Variants in SMURF2 observed in about 807,000 individuals in gnomAD.
The protein encoded by SMURF2 is SMAD specific E3 ubiquitin protein ligase 2, also known as E3 ubiquitin-protein ligase SMURF2.
Under a neutral mutation model 109.6 loss-of-function variants are expected in SMURF2, and 48 were observed. The observed-to-expected ratio is 0.44, with a 90% CI of 0.35 to 0.56. The LOEUF is 0.56. SMURF2 is among the 20% of genes least tolerant of loss of function. The pLI is 0.01. For missense variants in SMURF2, 575 were observed against 909.0 expected, an observed-to-expected ratio of 0.63 and a Z score of 4.72; for synonymous variants, 288 against 317.1, an observed-to-expected ratio of 0.91 and a Z score of 0.97.
At chr17:64,645,844 T>C (rs1970551823) in intron 1 of SMURF2, among the ~76,000 whole-genome samples, 2 of 152,194 alleles carry the variant, frequency 1.3e-5, no homozygotes, top group Non-Finnish European at 2.9e-5. Context: ...TTAATGACTA[T>C]TACTTATTGC....
intron 1 of SMURF2, among the ~76,000 whole-genome samples, chr17:64,654,770 A>G (rs1281023291): frequency 6.6e-6 from 1 of 152,210 alleles, no homozygotes; most frequent in Non-Finnish European, 1.5e-5. Context: ...CAGAGGTTGC[A>G]GTGAGCCGAG....
At chr17:64,587,886 G>A (rs1193469115) in intron 5 of SMURF2, among the ~76,000 whole-genome samples, 6 of 151,956 alleles carry the variant, frequency 3.9e-5, no homozygotes, top group Non-Finnish European at 7.4e-5. Context: ...TAGAATAATA[G>A]TAAGATTCAA....
rs1968908951 is a variant in SMURF2 at position 64,543,787 on chromosome 17, G to A, written c.*2061C>T. ...GTAGGCACAATTATAAACTGCACTA[G>A]TGCTTTAATATAAAAGAGAGATGGG... On this transcript the variant is annotated 3_prime_UTR_variant, in exon 19 of 19. Transcript: ENST00000262435. The A allele has an allele frequency of 6.6e-6, 1 of 152,164 alleles. No homozygotes were observed. Among genetic ancestry groups the A allele is most frequent in the Admixed American group, 6.5e-5 (1 of 15,280 alleles). 9.4% of individuals were successfully genotyped at this position (152,164 alleles called of 1,614,324 possible).
intron 1 of SMURF2, among the ~76,000 whole-genome samples, chr17:64,627,941 G>C (rs1555691301): frequency 6.6e-6 from 1 of 152,112 alleles, no homozygotes; most frequent in African/African-American, 2.4e-5. Context: ...TTCCTGCTTG[G>C]CAATAAAGTT....
intron 1 of SMURF2, among the ~76,000 whole-genome samples, chr17:64,650,204 CTTTTTT>C (rs34557504): frequency 7.5e-6 from 1 of 132,620 alleles, no homozygotes; most frequent in Non-Finnish European, 1.6e-5. Context: ...TAAGACTTGC[CTTTTTT>C]TTTTTTTTTT....
chr17:64,605,504 C>G (rs1252916623), intron 2 of SMURF2, among the ~76,000 whole-genome samples: 1 of 151,652 alleles, frequency 6.6e-6, no homozygotes, highest in Non-Finnish European at 1.5e-5. Context: ...AGGAGGATCA[C>G]TTGAGACCAG....
intron 2 of SMURF2, 28 bp from the exon 3 acceptor site, chr17:64,598,518 T>C (rs1355013474): frequency 6.5e-7 from 1 of 1,540,922 alleles, no homozygotes; most frequent in Non-Finnish European, 8.9e-7. Flanking sequence ...CTAAAATTAA[T>C]AATTTGACAT....
chr17:64,571,714 G>A (rs1432748976), intron 10 of SMURF2, 84 bp downstream of exon 10: 7 of 1,374,478 alleles, frequency 5.1e-6, no homozygotes, highest in Non-Finnish European at 5.9e-6. Flanking sequence ...CCACTGTATC[G>A]AGACTCACAT....
rs1000278056 is a variant in SMURF2, at chr17:64,547,923, C to T, written c.1870-122G>A. The T allele has an allele frequency of 2.7e-6, 2 of 743,450 alleles. No homozygotes were observed. The highest frequency in any genetic ancestry group is 1.8e-5 in the African/African-American group (1 of 56,778). 46.1% of individuals were successfully genotyped at this position (743,450 alleles called of 1,614,324 possible). ...TTGGTGGTTCCTAATTAAAGATGCACATCAGAATCATCTGAAAAGCTTTTC... is the reference window on the plus strand; with the variant it reads ...TTGGTGGTTCCTAATTAAAGATGCATATCAGAATCATCTGAAAAGCTTTTC... On this transcript the variant is annotated intron_variant, in intron 16 of 18. Coordinates refer to ENST00000262435, the MANE Select transcript of SMURF2 (RefSeq NM_022739.4). The surrounding 1 kb of genome is among the most constrained non-coding windows in gnomAD (Gnocchi z 4.2).
intron 1 of SMURF2, among the ~76,000 whole-genome samples, chr17:64,650,558 C>T (rs1222122168): frequency 6.6e-6 from 1 of 152,148 alleles, no homozygotes; most frequent in African/African-American, 2.4e-5. Context: ...TGACCAGGCA[C>T]AGTGGCTCAT....
chr17:64,571,837 G>A lies in SMURF2; in HGVS notation c.977C>T (p.Thr326Ile). ...VDHNNRTTQF[T>I]DPRLSANLHL... ...CAAGTTAGCAGACAGCCGAGGATCT[G>A]TAAATTGTGTTGTTCTGTTGTTATG... The change falls in exon 10 of 19, where the codon ACA becomes ATA. Residue 326 changes from threonine (T) to isoleucine (I), a missense_variant. Around this residue, in one of 5 missense-constraint regions of SMURF2, gnomAD observed 361 missense variants for 612.1 expected, o/e 0.59. Transcript: ENST00000262435. The A allele has an allele frequency of 6.2e-7, 1 of 1,612,986 alleles. No homozygotes were observed. The highest frequency in any genetic ancestry group is 8.5e-7 in the Non-Finnish European group (1 of 1,179,562).
At position 64,547,772 on chromosome 17, in the gene SMURF2, A is replaced by G. The variant is rs782464845; in HGVS notation, c.1899T>C (p.Asp633=). The G allele has an allele frequency of 3.7e-6, 6 of 1,614,110 alleles. No individual in the cohort carries two copies. The highest frequency in any genetic ancestry group is 5.1e-6 in the Non-Finnish European group (6 of 1,180,022). Residue 633 remains aspartate, a synonymous_variant, in exon 17 of 19, where the codon GAT becomes GAC. Transcript: ENST00000262435. This position sits in a 1 kb window ranked among gnomAD's most constrained non-coding sequence, Gnocchi z 4.2. The stretch of plus-strand genomic sequence containing the variant: ...GGGTGTTTACCTTCCAGTCATTAAC[A>G]TCTATCTTTCCAAGTCCACAAATAA... ...ELIICGLGKI[D]VNDWKVNTRL... is the part of the protein sequence containing the mutation.
At position 64,644,608 on chromosome 17, in the gene SMURF2, GAA is replaced by G. The variant is rs375136131; in HGVS notation, c.52+17219_52+17220del. Among the ~76,000 whole-genome samples, 397 of 123,202 alleles carry G rather than the reference GAA, an allele frequency of 3.2e-3. 2 individuals carry two copies. Among genetic ancestry groups the G allele is most frequent in the African/African-American group, 1.0e-2 (374 of 37,580 alleles). The allele number at this position is 123,202 out of a possible 152,430, so 80.8% of individuals were successfully genotyped here. The stretch of plus-strand genomic sequence containing the variant: ...CAAGACTCTGTCTCAAAAAAAAAAA[GAA>G]AAAAAAAAAAATGCTGAGTAGCCAG... On this transcript the variant is annotated intron_variant, in intron 1 of 18. Transcript: ENST00000262435.
In SMURF2 at chr17:64,612,175, C is replaced by T. The variant is rs1224688321; in HGVS notation, c.53-5535G>A. On this transcript the variant is annotated intron_variant, in intron 1 of 18. Transcript: ENST00000262435. ...AAGTTTGGAATGTTGCTTATAATTG[C>T]GGAGGTGGTAAACTCCATACAGCAC... Among the ~76,000 whole-genome samples the T allele has an allele frequency of 7.2e-5, 11 of 152,018 alleles. No individual in the cohort carries two copies. The East Asian group carries it at 1.3e-3, about 19-fold the overall frequency.
chr17:64,649,686 T>A (rs1970610456), intron 1 of SMURF2, among the ~76,000 whole-genome samples: 1 of 151,684 alleles, frequency 6.6e-6, no homozygotes, highest in Non-Finnish European at 1.5e-5. Context: ...CTACTAAAAA[T>A]ACAAAAAATT....
In SMURF2 at chr17:64,543,032, T is replaced by C. The variant is rs1313823746; in HGVS notation, c.*2816A>G. The C allele has an allele frequency of 2.6e-5, 4 of 152,004 alleles. No homozygotes were observed. Among genetic ancestry groups the C allele is most frequent in the African/African-American group, 9.7e-5 (4 of 41,370 alleles). 9.4% of individuals were successfully genotyped at this position (152,004 alleles called of 1,614,324 possible). A position where few individuals can be genotyped will look rare whatever the true frequency, so the allele number is the denominator to read the frequency against. ...AAAGGCAAGAGTATGAAAACAGATA[T>C]CACATATCTGAAATAACAATACAGC... On this transcript the variant is annotated 3_prime_UTR_variant, in exon 19 of 19. Coordinates refer to ENST00000262435, the MANE Select transcript of SMURF2 (RefSeq NM_022739.4).
chr17:64,630,485 G>C (rs1413067448), intron 1 of SMURF2, among the ~76,000 whole-genome samples: 1 of 152,078 alleles, frequency 6.6e-6, no homozygotes, highest in Non-Finnish European at 1.5e-5. Context: ...CAAAACACAA[G>C]AAATTAGTTC....
At chr17:64,652,721 T>G (rs1555693612) in intron 1 of SMURF2, among the ~76,000 whole-genome samples, 1 of 152,160 alleles carries the variant, frequency 6.6e-6, no homozygotes, top group African/African-American at 2.4e-5. Context: ...CCTGACCTCA[T>G]GTGAGCCTCC....
chr17:64,661,430 A>C (rs1415488954), intron 1 of SMURF2, among the ~76,000 whole-genome samples: 1 of 152,132 alleles, frequency 6.6e-6, no homozygotes, highest in Non-Finnish European at 1.5e-5. Context: ...TACTGCGCGC[A>C]GTCAGCAACC....
Sources: allele counts gnomAD v4.1 joint callset (sites outside exome capture counted in the v4.1 genomes callset), GRCh38; gene constraint gnomAD v4.1.1; regional missense constraint gnomAD v4.1.1; non-coding constraint Gnocchi (gnomAD v3.1); transcripts MANE v1.5; gene names NCBI Gene and HGNC (gene_info 2026-07-23, HGNC 2026-07-21).